Variants in CTNNA2 observed in about 807,000 individuals in gnomAD.
The protein encoded by CTNNA2 is catenin alpha 2.
In CTNNA2, 42 loss-of-function variants were observed where a neutral mutation model predicts 101.0. That is an observed-to-expected ratio of 0.42 (90% confidence interval 0.32 to 0.54). The LOEUF (loss-of-function observed/expected upper bound fraction) is 0.54. Ranked by LOEUF, CTNNA2 falls within the 20% of genes least tolerant of loss-of-function variation. The pLI, the probability that CTNNA2 is intolerant of heterozygous loss-of-function variation, is 0.14. For missense variants in CTNNA2, 871 were observed against 1,223.1 expected (o/e 0.71, Z 4.29); for synonymous variants, 450 against 456.4 (o/e 0.99, Z 0.18).
intron 2 of CTNNA2, among the ~76,000 whole-genome samples, chr2:79,725,248 A>T (rs1372384586): frequency 2.0e-5 from 3 of 152,228 alleles, no homozygotes; most frequent in Non-Finnish European, 4.4e-5. Context: ...ATAAAAGATG[A>T]TCAGGCCCAG....
intron 15 of CTNNA2, among the ~76,000 whole-genome samples, chr2:80,597,313 C>T (rs529727963): frequency 1.3e-5 from 2 of 152,008 alleles, no homozygotes; most frequent in Admixed American, 6.6e-5. Flanking sequence ...ATTAACTCAA[C>T]GTGGACTAAA....
intron 3 of CTNNA2, among the ~76,000 whole-genome samples, chr2:79,763,946 A>G (rs756952802): frequency 6.6e-6 from 1 of 152,210 alleles, no homozygotes; most frequent in Non-Finnish European, 1.5e-5. Flanking sequence ...TTTGGACTGC[A>G]TTAGGCTTAG....
chr2:80,463,314 G>A (rs1051870992), intron 9 of CTNNA2, among the ~76,000 whole-genome samples: 1 of 152,052 alleles, frequency 6.6e-6, no homozygotes, highest in South Asian at 2.1e-4. Flanking sequence ...CTTAATAGTC[G>A]CCAGCACTAC....
chr2:80,340,754 T>G (rs550415420), intron 7 of CTNNA2, among the ~76,000 whole-genome samples: 12 of 152,258 alleles, frequency 7.9e-5, no homozygotes, highest in African/African-American at 2.6e-4. Context: ...GTGCAAAAAT[T>G]CCATTCAATT....
chr2:79,780,209 T>G (rs866308385), intron 3 of CTNNA2, among the ~76,000 whole-genome samples: 1 of 152,238 alleles, frequency 6.6e-6, no homozygotes, highest in African/African-American at 2.4e-5. Flanking sequence ...CGTGTATTAA[T>G]TGATGCTTTA....
At chr2:80,357,440 G>A (rs1360685725) in intron 7 of CTNNA2, among the ~76,000 whole-genome samples, 1 of 151,914 alleles carries the variant, frequency 6.6e-6, no homozygotes, top group Non-Finnish European at 1.5e-5. Flanking sequence ...ATCTCCAGAG[G>A]CCAGGAAGTC....
intron 7 of CTNNA2, among the ~76,000 whole-genome samples, chr2:79,989,255 G>A (rs896314330): frequency 6.6e-6 from 1 of 152,158 alleles, no homozygotes; most frequent in African/African-American, 2.4e-5. Context: ...CCCAATGCAT[G>A]TTTCTAAGTC....
intron 9 of CTNNA2, among the ~76,000 whole-genome samples, chr2:80,527,818 G>T (rs1320385522): frequency 1.3e-5 from 2 of 152,154 alleles, no homozygotes; most frequent in Non-Finnish European, 2.9e-5. Context: ...AAATTTAAAT[G>T]AAATTTCAAA....
chr2:80,639,513 ATGTGTGTGTG>A (rs112045877), intron 18 of CTNNA2, among the ~76,000 whole-genome samples: 22 of 147,510 alleles, frequency 1.5e-4, no homozygotes, highest in South Asian at 8.6e-4. Flanking sequence ...CCCAGCCTTG[ATGTGTGTGTG>A]TGTGTGTGTG....
intron 7 of CTNNA2, among the ~76,000 whole-genome samples, chr2:80,093,782 T>C (rs2148824871): frequency 6.6e-6 from 1 of 152,362 alleles, no homozygotes; most frequent in East Asian, 1.9e-4. Context: ...TTCATGTGTT[T>C]TTTGGCTGCA....
chr2:79,297,533 A>C (rs1294643123), intron 2 of CTNNA2, among the ~76,000 whole-genome samples: 3 of 152,160 alleles, frequency 2.0e-5, no homozygotes, highest in African/African-American at 2.4e-5. Context: ...GCTAGACTTC[A>C]TGGTTCATTT....
chr2:79,849,244 C>T (rs1156293161), intron 3 of CTNNA2, among the ~76,000 whole-genome samples: 1 of 150,538 alleles, frequency 6.6e-6, no homozygotes, highest in Non-Finnish European at 1.5e-5. Context: ...AGGCAGCCTT[C>T]TTATTTTATA....
At chr2:79,379,929 G>T (rs1489310222) in intron 4 of CTNNA2, among the ~76,000 whole-genome samples, 3 of 152,188 alleles carry the variant, frequency 2.0e-5, no homozygotes, top group African/African-American at 7.2e-5. Flanking sequence ...TGTACACAAT[G>T]TTATGTAAAA....
intron 2 of CTNNA2, among the ~76,000 whole-genome samples, chr2:79,252,438 T>C (rs1674784983): frequency 6.6e-6 from 1 of 152,172 alleles, no homozygotes; most frequent in Admixed American, 6.5e-5. Context: ...GGTTTTTCTA[T>C]ATGGTTTTAA....
At chr2:80,028,895 A>T (rs1282282814) in intron 7 of CTNNA2, among the ~76,000 whole-genome samples, 1 of 152,204 alleles carries the variant, frequency 6.6e-6, no homozygotes, top group Non-Finnish European at 1.5e-5. Context: ...CAACACCTGG[A>T]TTTTAGCTTA....
intron 2 of CTNNA2, chr2:79,292,853 T>C (rs1329933051): frequency 1.3e-5 from 2 of 152,266 alleles, no homozygotes; most frequent in Non-Finnish European, 2.9e-5. Flanking sequence ...GTGGGGACAA[T>C]GCCCTTGTCT....
At chr2:80,508,707 T>C (rs78611184) in intron 9 of CTNNA2, among the ~76,000 whole-genome samples, 6,269 of 151,656 alleles carry the variant, frequency 0.041, 260 homozygotes, top group African/African-American at 0.1. Context: ...GAGATTGTGT[T>C]GATTGTGTTT....
At chr2:80,615,715 T>C (rs1698796172) in intron 17 of CTNNA2, among the ~76,000 whole-genome samples, 1 of 151,648 alleles carries the variant, frequency 6.6e-6, no homozygotes, top group Non-Finnish European at 1.5e-5. Flanking sequence ...GCAGATTATT[T>C]TGTCAAGTGC....
chr2:79,515,505 C>T (rs1230870939), intron 1 of CTNNA2, among the ~76,000 whole-genome samples: 1 of 152,048 alleles, frequency 6.6e-6, no homozygotes, highest in Non-Finnish European at 1.5e-5. Context: ...TGGGTGTATG[C>T]CCCAGTTTTT....
Sources: allele counts gnomAD v4.1 joint callset (sites outside exome capture counted in the v4.1 genomes callset), GRCh38; gene constraint gnomAD v4.1.1; transcripts MANE v1.5; gene names NCBI Gene and HGNC (gene_info 2026-07-23, HGNC 2026-07-21).